LRRC69: variants seen among roughly 807,000 people sequenced by gnomAD.
LRRC69 encodes the protein leucine-rich repeat-containing protein 69.
LRRC69 carries 42 observed loss-of-function variants against 37.8 expected under a neutral mutation model. The ratio of observed to expected loss-of-function variants is 1.11; its 90% CI spans 0.87 to 1.44. The LOEUF is 1.44. Ranked by LOEUF, LRRC69 falls within the 40% of genes most tolerant of loss-of-function variation. The pLI is 0.00. For synonymous variants in LRRC69, 141 were observed against 143.1 expected, an observed-to-expected ratio of 0.99 and a Z score of 0.11; for missense variants, 357 against 401.9, an observed-to-expected ratio of 0.89 and a Z score of 0.96.
intron 5 of LRRC69, chr8:91,158,058 C>G (rs905792032): frequency 7.3e-6 from 10 of 1,366,010 alleles, no homozygotes; most frequent in Non-Finnish European, 1.0e-5. Flanking sequence ...AACATGACCA[C>G]AAGGCCCTAC....
chr8:91,183,482 A>G (rs1809356295), intron 5 of LRRC69, among the ~76,000 whole-genome samples: 1 of 152,218 alleles, frequency 6.6e-6, no homozygotes, highest in African/African-American at 2.4e-5. Flanking sequence ...ACCAAAATTT[A>G]GGAGGGCAGA....
intron 1 of LRRC69, among the ~76,000 whole-genome samples, chr8:91,110,243 A>C (rs1223129592): frequency 6.6e-6 from 1 of 152,102 alleles, no homozygotes; most frequent in Non-Finnish European, 1.5e-5. Flanking sequence ...TTATAGGCAA[A>C]TAATCAAATA....
intron 5 of LRRC69, among the ~76,000 whole-genome samples, chr8:91,161,388 G>T (rs1441014984): frequency 1.3e-5 from 2 of 151,240 alleles, no homozygotes; most frequent in Non-Finnish European, 3.0e-5. Context: ...TTAAAAGTTT[G>T]ATAGAATTTA....
At chr8:91,125,071 A>G (rs946479334) in intron 2 of LRRC69, among the ~76,000 whole-genome samples, 3 of 151,878 alleles carry the variant, frequency 2.0e-5, no homozygotes, top group Non-Finnish European at 2.9e-5. Context: ...ATGAGATCCA[A>G]TAAGCATTTT....
At chr8:91,183,330 G>T (rs1459182660) in intron 5 of LRRC69, among the ~76,000 whole-genome samples, 1 of 152,180 alleles carries the variant, frequency 6.6e-6, no homozygotes, top group Admixed American at 6.5e-5. Flanking sequence ...AGTCGAATAA[G>T]AAATGAAGAT....
chr8:91,201,506 T>G (rs988274525), intron 7 of LRRC69, among the ~76,000 whole-genome samples: 3 of 94,230 alleles, frequency 3.2e-5, no homozygotes, highest in Non-Finnish European at 7.0e-5. Flanking sequence ...AAATATTATT[T>G]TATTTTGATT....
intron 7 of LRRC69, among the ~76,000 whole-genome samples, chr8:91,217,634 A>G (rs772545029): frequency 1.3e-5 from 2 of 152,040 alleles, no homozygotes; most frequent in Non-Finnish European, 2.9e-5. Flanking sequence ...GGAGTGAGAA[A>G]AGTTGCTCTC....
intron 1 of LRRC69, among the ~76,000 whole-genome samples, chr8:91,122,760 G>A (rs117575118): frequency 0.045 from 6,918 of 152,100 alleles, 232 homozygotes; most frequent in South Asian, 0.1. Context: ...TTAGGCAAAA[G>A]AATGAAATCT....
intron 3 of LRRC69, chr8:91,130,690 C>T (rs985305693): frequency 6.6e-6 from 1 of 151,984 alleles, no homozygotes; most frequent in Non-Finnish European, 1.5e-5. Flanking sequence ...ATGAATTAAG[C>T]TACAATAAAC....
chr8:91,139,802 C>T (rs1183215331), intron 5 of LRRC69, among the ~76,000 whole-genome samples: 2 of 151,368 alleles, frequency 1.3e-5, no homozygotes, highest in Non-Finnish European at 2.9e-5. Flanking sequence ...AAAAAAGTAC[C>T]ATCTGGCCAG....
At position 91,107,740 on chromosome 8, in the gene LRRC69, T is replaced by G. The variant is rs112468898; in HGVS notation, c.183+4896T>G. 3.4e-4 allele frequency among the ~76,000 whole-genome samples: 52 copies of G among 152,162 alleles called. No homozygotes were observed. In the Middle Eastern group the frequency reaches 0.01, roughly 30 times the overall value. On this transcript the variant is annotated intron_variant, in intron 1 of 7. Transcript: ENST00000448384. ...TCTTTGCTAATTTAACTAGTGAAGC[T>G]CTGGAAAATTTCAGTCACTTCTAAT... is the stretch of plus-strand genomic sequence containing the variant.
intron 6 of LRRC69, among the ~76,000 whole-genome samples, chr8:91,196,701 C>T (rs1809608181): frequency 6.6e-6 from 1 of 151,480 alleles, no homozygotes; most frequent in African/African-American, 2.4e-5. Flanking sequence ...TCCATCAGCT[C>T]CTTTAAGCAC....
intron 5 of LRRC69, among the ~76,000 whole-genome samples, chr8:91,147,161 C>T (rs1316977539): frequency 6.6e-6 from 1 of 150,524 alleles, no homozygotes; most frequent in Non-Finnish European, 1.5e-5. Context: ...GCCCCATGCT[C>T]ATATATTGTA....
intron 6 of LRRC69, among the ~76,000 whole-genome samples, chr8:91,197,381 T>C (rs1459585974): frequency 6.6e-6 from 1 of 152,192 alleles, no homozygotes; most frequent in Non-Finnish European, 1.5e-5. Context: ...CAGTTCGAGC[T>C]TCCCCGGCTG....
chr8:91,146,944 A>G (rs1808630898), intron 5 of LRRC69, among the ~76,000 whole-genome samples: 1 of 151,542 alleles, frequency 6.6e-6, no homozygotes, highest in Non-Finnish European at 1.5e-5. Context: ...AATGCATAGG[A>G]CAGTCCCCCC....
intron 7 of LRRC69, among the ~76,000 whole-genome samples, chr8:91,212,653 CT>C (rs1310241930): frequency 6.6e-6 from 1 of 152,074 alleles, no homozygotes; most frequent in East Asian, 1.9e-4. Flanking sequence ...TAAGATACCA[CT>C]GACATTCATT....
intron 7 of LRRC69, among the ~76,000 whole-genome samples, chr8:91,212,880 A>G (rs1809958929): frequency 6.6e-6 from 1 of 151,978 alleles, no homozygotes; most frequent in Admixed American, 6.6e-5. Context: ...AAATAACAAA[A>G]CAATTAGAGT....
chr8:91,158,120 T>G, intron 5 of LRRC69: 1 of 1,570,642 alleles, frequency 6.4e-7, no homozygotes. Context: ...TATTCCAGCA[T>G]TACCAGGTGA....
intron 5 of LRRC69, among the ~76,000 whole-genome samples, chr8:91,188,961 A>G (rs541266950): frequency 1.1e-3 from 172 of 151,746 alleles, no homozygotes; most frequent in African/African-American, 3.7e-3. Context: ...AGTAGCTGGG[A>G]TTATGGGCAT....
Sources: allele counts gnomAD v4.1 joint callset (sites outside exome capture counted in the v4.1 genomes callset), GRCh38; gene constraint gnomAD v4.1.1; transcripts MANE v1.5; gene names NCBI Gene and HGNC (gene_info 2026-07-23, HGNC 2026-07-21).